Variants in CLASP2 observed in about 807,000 individuals in gnomAD.
CLASP2 encodes the protein CLIP-associating protein 2.
A neutral mutation model predicts 194.4 loss-of-function variants in CLASP2; 47 were observed. That is an observed-to-expected ratio of 0.24 (90% CI 0.19 to 0.31). CLASP2 has a LOEUF of 0.31. Among genes scored for constraint, CLASP2 ranks in the 10% least tolerant of loss-of-function variants. The pLI, the probability that CLASP2 is intolerant of heterozygous loss-of-function variation, is 1.00. For missense variants in CLASP2, 1,445 were observed against 1,823.6 expected, an observed-to-expected ratio of 0.79 and a Z score of 3.78; for synonymous variants, 619 against 633.5, an observed-to-expected ratio of 0.98 and a Z score of 0.34.
chr3:33,687,541 T>C (rs996834152), intron 4 of CLASP2, among the ~76,000 whole-genome samples: 1 of 152,212 alleles, frequency 6.6e-6, no homozygotes, highest in East Asian at 1.9e-4. Flanking sequence ...AAGATCTTTA[T>C]GCTTATGGCA....
At chr3:33,570,929 A>G in intron 25 of CLASP2, 139 bp from the exon 26 acceptor site, 1 of 711,726 alleles carries the variant, frequency 1.4e-6, no homozygotes, top group Non-Finnish European at 2.2e-6. Context: ...TAATCCTAGC[A>G]TTTTGGGAGG....
chr3:33,526,369 CA>C (rs779472814), intron 34 of CLASP2, among the ~76,000 whole-genome samples: 31 of 152,092 alleles, frequency 2.0e-4, no homozygotes, highest in Non-Finnish European at 3.1e-4. Context: ...CAACAAAGAT[CA>C]AAAAAGACAA....
intron 26 of CLASP2, among the ~76,000 whole-genome samples, chr3:33,570,227 G>A (rs2063488701): frequency 6.6e-6 from 1 of 152,002 alleles, no homozygotes; most frequent in Non-Finnish European, 1.5e-5. Context: ...AAATTTTTAT[G>A]GACTACTTCA....
chr3:33,496,697 G>C lies in CLASP2; in HGVS notation c.*1934C>G, dbSNP rs1559720768. On this transcript the variant is annotated 3_prime_UTR_variant, in exon 39 of 39. Transcript: ENST00000682230. The stretch of plus-strand genomic sequence containing the variant: ...GTTAAAGCAGTATCTTAAACCAGAG[G>C]TCAAAATTAAATCAATATTTTGATT... The C allele has an allele frequency of 6.6e-6, 1 of 152,028 alleles. No homozygotes were observed. Among genetic ancestry groups the C allele is most frequent in the Non-Finnish European group, 1.5e-5 (1 of 67,988 alleles). 9.4% of individuals were successfully genotyped at this position (152,028 alleles called of 1,614,324 possible).
chr3:33,581,784 G>A (rs2066202759), intron 23 of CLASP2, 37 bp downstream of exon 23: 1 of 1,405,002 alleles, frequency 7.1e-7, no homozygotes, highest in South Asian at 1.2e-5. Context: ...TAACACCATG[G>A]ATAAGCAATG....
chr3:33,717,121 T>TC lies in CLASP2; in HGVS notation c.195+686dup, dbSNP rs529953789. On this transcript the variant is annotated intron_variant, in intron 1 of 38. Transcript: ENST00000682230. Reference sequence around the variant, plus strand: ...CTCGCACCTCATCTTTGTAACTTTTTCCCCCCCAGCATTAGCCTATCTACT... The same window carrying TC: ...CTCGCACCTCATCTTTGTAACTTTTTCCCCCCCCAGCATTAGCCTATCTACT... Among the ~76,000 whole-genome samples, 271 of 152,126 alleles carry TC rather than the reference T, an allele frequency of 1.8e-3. 2 individuals carry two copies. The highest frequency in any genetic ancestry group is 6.8e-3 in the Middle Eastern group (2 of 294).
At chr3:33,523,306 A>T (rs2053644149) in intron 34 of CLASP2, among the ~76,000 whole-genome samples, 2 of 152,178 alleles carry the variant, frequency 1.3e-5, no homozygotes, top group South Asian at 4.1e-4. Context: ...GAACATAAAC[A>T]TATAAGAAGC....
chr3:33,655,586 C>A (rs772162023), intron 7 of CLASP2, among the ~76,000 whole-genome samples: 1 of 152,138 alleles, frequency 6.6e-6, no homozygotes, highest in Non-Finnish European at 1.5e-5. Flanking sequence ...GAAAAGTTAG[C>A]CTTCTTGCCA....
chr3:33,522,428 A>G (rs1468708421), intron 34 of CLASP2, among the ~76,000 whole-genome samples: 2 of 152,156 alleles, frequency 1.3e-5, no homozygotes, highest in Non-Finnish European at 2.9e-5. Context: ...AAAAGCCACC[A>G]ATCTCTGGGG....
intron 21 of CLASP2, 71 bp from the exon 22 acceptor site, chr3:33,584,991 C>T (rs2067027422): frequency 1.5e-6 from 2 of 1,364,954 alleles, no homozygotes; most frequent in African/African-American, 2.9e-5. Context: ...GATAAAAATT[C>T]AAGAAATATT....
At chr3:33,584,993 A>G in intron 21 of CLASP2, 73 bp from the exon 22 acceptor site, 1 of 1,350,900 alleles carries the variant, frequency 7.4e-7, no homozygotes, top group Non-Finnish European at 1.0e-6. Context: ...TAAAAATTCA[A>G]GAAATATTGA....
chr3:33,550,180 G>C (rs2059778908), intron 30 of CLASP2, among the ~76,000 whole-genome samples: 1 of 152,066 alleles, frequency 6.6e-6, no homozygotes. Context: ...AAGGTGGGCA[G>C]ATCACTTGAG....
At chr3:33,641,902 G>T (rs547688776) in intron 8 of CLASP2, among the ~76,000 whole-genome samples, 1 of 151,524 alleles carries the variant, frequency 6.6e-6, no homozygotes, top group South Asian at 2.1e-4. Flanking sequence ...TATATACCTC[G>T]GAGTAGCAAA....
chr3:33,618,601 C>T (rs887014663), intron 12 of CLASP2, among the ~76,000 whole-genome samples: 2 of 151,934 alleles, frequency 1.3e-5, no homozygotes, highest in Non-Finnish European at 1.5e-5. Context: ...GAGCTGAGAT[C>T]GTACCACTGC....
At chr3:33,503,901 T>C (rs569926807) in intron 37 of CLASP2, 11 of 152,344 alleles carry the variant, frequency 7.2e-5, no homozygotes, top group South Asian at 2.1e-4. Flanking sequence ...TGGTATCTCA[T>C]TGTGGTTTTG....
chr3:33,688,508 TAC>T, intron 3 of CLASP2, 140 bp from the exon 4 acceptor site: 3 of 662,038 alleles, frequency 4.5e-6, no homozygotes, highest in Non-Finnish European at 7.5e-6. Context: ...CTCCACTACT[TAC>T]AAGTTTTTCT....
intron 10 of CLASP2, among the ~76,000 whole-genome samples, chr3:33,625,453 C>G (rs1167486249): frequency 1.3e-5 from 2 of 150,572 alleles, no homozygotes; most frequent in African/African-American, 4.9e-5. Flanking sequence ...ATCTGAGCAA[C>G]TATTTATTAT....
In CLASP2 at chr3:33,555,542, A is replaced by T. The variant is rs563760559; in HGVS notation, c.3009+3765T>A. On this transcript the variant is annotated intron_variant, in intron 29 of 38. Transcript: ENST00000682230. ...CACCACGTCCAGCTAATTAAAAAAA[A>T]TTTTTTGTAGAGATGGGGTTTTGCC... Among the ~76,000 whole-genome samples the T allele has an allele frequency of 1.4e-4, 22 of 151,990 alleles. No individual in the cohort carries two copies. The South Asian group carries it at 2.7e-3, about 19-fold the overall frequency.
chr3:33,705,964 CAAT>C (rs765602270), intron 1 of CLASP2, among the ~76,000 whole-genome samples: 13 of 152,066 alleles, frequency 8.5e-5, no homozygotes, highest in Admixed American at 2.0e-4. Flanking sequence ...TTATAAAAAA[CAAT>C]GATGGCTGGG....
Sources: gnomAD v4.1 joint callset for allele counts (sites outside exome capture counted in the v4.1 genomes callset) on GRCh38, gnomAD v4.1.1 for gene constraint, MANE v1.5 for transcripts, NCBI Gene and HGNC (gene_info 2026-07-23, HGNC 2026-07-21) for gene names.